Variants in RIC3 observed in about 807,000 individuals in gnomAD.
The protein encoded by RIC3 is protein RIC-3.
A neutral mutation model predicts 27.3 loss-of-function variants in RIC3; 28 were observed. That is an observed-to-expected ratio of 1.02 (90% CI 0.76 to 1.41). The LOEUF (loss-of-function observed/expected upper bound fraction) is 1.41. RIC3 is among the 40% of genes most tolerant of loss of function. RIC3 has a pLI of 0.00. For synonymous variants in RIC3, 184 were observed against 160.4 expected (o/e 1.15, Z -1.11); for missense variants, 501 against 444.7 (o/e 1.13, Z -1.14).
the RIC3 span, among the ~76,000 whole-genome samples, chr11:8,095,323 G>T: frequency 2.6e-5 from 4 of 152,172 alleles, no homozygotes; most frequent in Non-Finnish European, 2.9e-5. Context: ...TCCCTTACTA[G>T]CTTACCAGTT....
downstream of RIC3, chr11:8,106,028 T>A (rs528513354): frequency 2.6e-5 from 4 of 152,256 alleles, no homozygotes; most frequent in Non-Finnish European, 2.9e-5. Context: ...TTTATTTTTG[T>A]TCAAGATTAT....
chr11:8,126,696 T>C lies in RIC3; in HGVS notation c.633A>G (p.Lys211=), dbSNP rs768316775. The change falls in exon 5 of 6, where the codon AAA becomes AAG. Residue 211 remains lysine (K), a synonymous_variant. Transcript: ENST00000309737. The part of the protein sequence containing the change: ...GKFIDRFSPE[K]EAEEAPYMED... Reference sequence around the variant, plus strand: ...CCATGTAAGGGGCCTCCTCAGCTTCTTTCTCTGGAGAAAATCTGTCAATGA... The same window carrying C: ...CCATGTAAGGGGCCTCCTCAGCTTCCTTCTCTGGAGAAAATCTGTCAATGA... 7.4e-6 allele frequency: 12 copies of C among 1,614,100 alleles called. No individual in the cohort carries two copies. In the East Asian group the frequency reaches 1.1e-4, roughly 15 times the overall value.
chr11:8,111,282 C>A (rs1945233974), intron 5 of RIC3, 145 bp from the exon 6 acceptor site: 1 of 650,040 alleles, frequency 1.5e-6, no homozygotes, highest in African/African-American at 1.8e-5. Context: ...TCCAATAGTT[C>A]TAAAGTTTTA....
intron 1 of RIC3, among the ~76,000 whole-genome samples, chr11:8,166,239 CT>C (rs1951685439): frequency 1.3e-5 from 2 of 152,162 alleles, no homozygotes; most frequent in African/African-American, 2.4e-5. Context: ...GTCTACTTTC[CT>C]TTACTAAACT....
intron 1 of RIC3, among the ~76,000 whole-genome samples, chr11:8,161,056 G>C (rs1248309321): frequency 6.6e-6 from 1 of 152,200 alleles, no homozygotes; most frequent in Non-Finnish European, 1.5e-5. Flanking sequence ...AAGGGGAAAA[G>C]TGAGCTGGAG....
chr11:8,151,863 C>G (rs1950269385), intron 1 of RIC3, among the ~76,000 whole-genome samples: 2 of 147,138 alleles, frequency 1.4e-5, no homozygotes, highest in Admixed American at 6.9e-5. Context: ...TTGCGATGAG[C>G]AGAGATCACA....
chr11:8,129,164 C>A (rs191029641), intron 4 of RIC3, among the ~76,000 whole-genome samples: 1 of 151,262 alleles, frequency 6.6e-6, no homozygotes. Context: ...TGCTTGAAAC[C>A]TCCTCCTCCC....
chr11:8,120,595 G>A (rs1946328499), intron 5 of RIC3, among the ~76,000 whole-genome samples: 1 of 151,968 alleles, frequency 6.6e-6, no homozygotes. Context: ...GTTGATGGGT[G>A]GAGCAAACCA....
In RIC3 at chr11:8,110,998, CTCT is replaced by C; in HGVS notation, c.807_809del (p.Glu272del). ...CCCAACCCAAATGATCTGATTCTTCCTCTTCTATCATTCCCATTCTTTCAGCTA... is the reference window on the plus strand; with the variant it reads ...CCCAACCCAAATGATCTGATTCTTCCTCTATCATTCCCATTCTTTCAGCTA... On this transcript the variant is annotated inframe_deletion, in exon 6 of 6. Transcript: ENST00000309737. 6.2e-6 allele frequency: 10 copies of C among 1,614,198 alleles called. No individual in the cohort carries two copies. The highest frequency in any genetic ancestry group is 8.5e-6 in the Non-Finnish European group (10 of 1,180,036).
chr11:8,113,935 T>C (rs1590072780), intron 5 of RIC3, among the ~76,000 whole-genome samples: 1 of 152,198 alleles, frequency 6.6e-6, no homozygotes, highest in Admixed American at 6.5e-5. Context: ...CTTGTGGACC[T>C]AGGCTTTGGG....
chr11:8,125,253 C>CA (rs758292624), intron 5 of RIC3, among the ~76,000 whole-genome samples: 11,116 of 82,736 alleles, frequency 0.13, 468 homozygotes, highest in South Asian at 0.17. Flanking sequence ...GACTCTGTCT[C>CA]AAAAAAAAAA....
At chr11:8,152,327 C>T (rs79446285) in intron 1 of RIC3, among the ~76,000 whole-genome samples, 2,407 of 152,286 alleles carry the variant, frequency 0.016, 31 homozygotes, top group Non-Finnish European at 0.023. Context: ...AAATGTCCAT[C>T]AACTTATGAA....
In RIC3 at chr11:8,133,656, A is replaced by G. The variant is rs148056226; in HGVS notation, c.521+3722T>C. ...ATAAAAAGTAAACATTCTGGGCTAG[A>G]ACCTGTGGCCCCTGAAATGAGACAG... On this transcript the variant is annotated intron_variant, in intron 4 of 5. Coordinates refer to ENST00000309737, the MANE Select transcript of RIC3 (RefSeq NM_001206671.4). Among the ~76,000 whole-genome samples the G allele has an allele frequency of 6.5e-3, 985 of 152,300 alleles. 22 individuals carry two copies. The highest frequency in any genetic ancestry group is 0.051 in the Admixed American group (785 of 15,292).
At chr11:8,112,278 T>G (rs1376977788) in intron 5 of RIC3, among the ~76,000 whole-genome samples, 1 of 135,646 alleles carries the variant, frequency 7.4e-6, no homozygotes, top group East Asian at 2.5e-4. Context: ...TATTTTCTTT[T>G]CTTTTCTTTT....
intron 4 of RIC3, among the ~76,000 whole-genome samples, chr11:8,134,656 T>A (rs1301692408): frequency 2.0e-5 from 3 of 152,130 alleles, no homozygotes; most frequent in Admixed American, 6.5e-5. Context: ...CTCCAGCACC[T>A]GTTATTTCCT....
rs1242764128 is a variant in RIC3 at position 8,108,314 on chromosome 11, GT to G, written c.*2383del. The G allele has an allele frequency of 1.3e-5, 2 of 152,172 alleles. No homozygotes were observed. The highest frequency in any genetic ancestry group is 4.8e-5 in the African/African-American group (2 of 41,446). The allele number at this position is 152,172 out of a possible 1,614,324, so 9.4% of individuals were successfully genotyped here. ...CTCTCTTCTTTGCCTACCTGAAGAA[GT>G]TCTTTGCATGCCTCAAGGCCCACCT... is the stretch of plus-strand genomic sequence containing the variant. On this transcript the variant is annotated 3_prime_UTR_variant, in exon 6 of 6. Transcript: ENST00000309737.
Position 8,138,215 on chromosome 11 carries a change from G to T in RIC3, c.427+57C>A, listed in dbSNP as rs750474450. The T allele has an allele frequency of 7.4e-6, 9 of 1,208,488 alleles. No homozygotes were observed. In the South Asian group the frequency reaches 1.1e-4, roughly 15 times the overall value. 74.9% of individuals were successfully genotyped at this position (1,208,488 alleles called of 1,614,324 possible). A position where few individuals can be genotyped will look rare whatever the true frequency, so the allele number is the denominator to read the frequency against. ...GACATACCCACAGACTGTCCCTGTG[G>T]CTATAAAACTGTTTGACTCAATAAT... On this transcript the variant is annotated intron_variant, in intron 3 of 5. Coordinates refer to ENST00000309737, the MANE Select transcript of RIC3 (RefSeq NM_001206671.4).
chr11:8,117,209 G>C (rs1034625540), intron 5 of RIC3, among the ~76,000 whole-genome samples: 2 of 152,116 alleles, frequency 1.3e-5, no homozygotes, highest in African/African-American at 2.4e-5. Flanking sequence ...GCTGGGACTA[G>C]ACACATGCCA....
At position 8,165,961 on chromosome 11, in the gene RIC3, CT is replaced by C. The variant is rs536641012; in HGVS notation, c.124+2904del. 6.5e-4 allele frequency among the ~76,000 whole-genome samples: 99 copies of C among 152,000 alleles called. 2 individuals carry two copies. The South Asian group carries it at 0.02, about 30-fold the overall frequency. ...GCCCAGCTAATTGAAAAAAAACAAACTTATTTTGTAGAGATGGGGGTCTTGT... is the reference window on the plus strand; with the variant it reads ...GCCCAGCTAATTGAAAAAAAACAAACTATTTTGTAGAGATGGGGGTCTTGT... On this transcript the variant is annotated intron_variant, in intron 1 of 5. Transcript: ENST00000309737.
Sources: gnomAD v4.1 joint callset for allele counts (sites outside exome capture counted in the v4.1 genomes callset) on GRCh38, gnomAD v4.1.1 for gene constraint, MANE v1.5 for transcripts, NCBI Gene and HGNC (gene_info 2026-07-23, HGNC 2026-07-21) for gene names.